The following CCBE1 variants were observed in gnomAD, a reference collection of about 807,000 sequenced individuals.
CCBE1 encodes the protein collagen and calcium-binding EGF domain-containing protein 1.
A neutral mutation model predicts 50.0 loss-of-function variants in CCBE1; 37 were observed. The observed-to-expected ratio is 0.74, with a 90% confidence interval of 0.57 to 0.97. The LOEUF (loss-of-function observed/expected upper bound fraction) is 0.97. CCBE1 is among the 50% of genes least tolerant of loss of function. The pLI is 0.00. For missense variants in CCBE1, 538 were observed against 523.8 expected (o/e 1.03, Z -0.26); for synonymous variants, 234 against 203.7 (o/e 1.15, Z -1.27).
intron 2 of CCBE1, among the ~76,000 whole-genome samples, chr18:59,683,960 G>T (rs929814790): frequency 2.6e-5 from 4 of 151,874 alleles, no homozygotes; most frequent in African/African-American, 9.7e-5. Flanking sequence ...CAGGGTAGCA[G>T]CTGGACCACC....
chr18:59,602,179 G>C (rs7239709), intron 2 of CCBE1, among the ~76,000 whole-genome samples: 60,258 of 150,730 alleles, frequency 0.4, 12,228 homozygotes, highest in East Asian at 0.61. Context: ...TAATGAAAAC[G>C]TAGGAAAAAT....
At chr18:59,508,097 C>T (rs879757859) in intron 2 of CCBE1, among the ~76,000 whole-genome samples, 8 of 151,654 alleles carry the variant, frequency 5.3e-5, no homozygotes, top group East Asian at 2.0e-4. Context: ...TTCACCGTGT[C>T]GGCCAGGATG....
chr18:59,506,238 C>T (rs1913867159), intron 2 of CCBE1, among the ~76,000 whole-genome samples: 1 of 152,126 alleles, frequency 6.6e-6, no homozygotes, highest in Non-Finnish European at 1.5e-5. Context: ...CATCTGCAAG[C>T]AAAGAAATGC....
At chr18:59,599,906 T>TA (rs924639868) in intron 2 of CCBE1, among the ~76,000 whole-genome samples, 2 of 152,060 alleles carry the variant, frequency 1.3e-5, no homozygotes, top group African/African-American at 4.8e-5. Flanking sequence ...ACTAATGGTT[T>TA]AAAAAAAGAC....
chr18:59,684,472 A>G (rs1169664946), intron 2 of CCBE1, among the ~76,000 whole-genome samples: 1 of 152,156 alleles, frequency 6.6e-6, no homozygotes, highest in Non-Finnish European at 1.5e-5. Context: ...CTCCATTACT[A>G]TAATATCCTC....
At chr18:59,663,143 T>C (rs1254650280) in intron 2 of CCBE1, among the ~76,000 whole-genome samples, 1 of 152,238 alleles carries the variant, frequency 6.6e-6, no homozygotes, top group Non-Finnish European at 1.5e-5. Context: ...AAGATACTTT[T>C]CTTACTATCA....
rs1217543493 is a variant in CCBE1 at position 59,562,898 on chromosome 18, G to A, written c.213-82660C>T. ...AGGCCGCCTTAGAGGTTTCGATCTC[G>A]TTTGTTTCAGTTCTCTTGTTTGTTT... On this transcript the variant is annotated intron_variant, in intron 2 of 10. Coordinates refer to ENST00000439986, the MANE Select transcript of CCBE1 (RefSeq NM_133459.4). 5.0e-4 allele frequency among the ~76,000 whole-genome samples: 7 copies of A among 14,050 alleles called. No homozygotes were observed. In the African/African-American group the frequency reaches 6.9e-3, roughly 14 times the overall value. The allele number at this position is 14,050 out of a possible 152,430, so 9.2% of individuals were successfully genotyped here. A position where few individuals can be genotyped will look rare whatever the true frequency, so the allele number is the denominator to read the frequency against.
chr18:59,487,806 C>T (rs748895315), intron 2 of CCBE1, among the ~76,000 whole-genome samples: 2 of 152,144 alleles, frequency 1.3e-5, no homozygotes, highest in Non-Finnish European at 2.9e-5. Flanking sequence ...AAAAATTAAA[C>T]ATAGAATTAC....
intron 3 of CCBE1, among the ~76,000 whole-genome samples, chr18:59,476,006 C>T (rs1912288745): frequency 6.6e-6 from 1 of 152,230 alleles, no homozygotes; most frequent in Admixed American, 6.5e-5. Context: ...GCGTGAGCCA[C>T]TGCGGCTGGC....
At chr18:59,695,821 C>A (rs559557516) in intron 2 of CCBE1, among the ~76,000 whole-genome samples, 1 of 152,276 alleles carries the variant, frequency 6.6e-6, no homozygotes, top group South Asian at 2.1e-4. Flanking sequence ...CCTTGTACAG[C>A]GCCTCTAAAA....
At chr18:59,638,988 T>G (rs576332976) in intron 2 of CCBE1, among the ~76,000 whole-genome samples, 1 of 152,356 alleles carries the variant, frequency 6.6e-6, no homozygotes, top group East Asian at 1.9e-4. Flanking sequence ...TGGTGCATCT[T>G]ATTTTGGCAG....
At chr18:59,473,680 C>G (rs1241510733) in intron 3 of CCBE1, among the ~76,000 whole-genome samples, 1 of 150,810 alleles carries the variant, frequency 6.6e-6, no homozygotes, top group Non-Finnish European at 1.5e-5. Flanking sequence ...CTCCACTACT[C>G]ACCATCCAAC....
chr18:59,617,894 G>T (rs2053657800), intron 2 of CCBE1, among the ~76,000 whole-genome samples: 1 of 152,148 alleles, frequency 6.6e-6, no homozygotes, highest in South Asian at 2.1e-4. Flanking sequence ...AACTAATCAA[G>T]CCAGTATGTG....
At chr18:59,662,875 G>A (rs936543502) in intron 2 of CCBE1, among the ~76,000 whole-genome samples, 1 of 152,178 alleles carries the variant, frequency 6.6e-6, no homozygotes, top group Admixed American at 6.5e-5. Flanking sequence ...CTACTTGAGA[G>A]GCAGGAGGAT....
intron 2 of CCBE1, among the ~76,000 whole-genome samples, chr18:59,692,955 AGCACACACACACACACACACACAC>A (rs1447957250): frequency 1.1e-4 from 16 of 143,084 alleles, no homozygotes; most frequent in Non-Finnish European, 1.8e-4. Flanking sequence ...GTCAAGCCAA[AGCACACACACACACACACACACAC>A]ACACACACAC....
intron 2 of CCBE1, among the ~76,000 whole-genome samples, chr18:59,666,576 C>T (rs1286880888): frequency 6.6e-6 from 1 of 151,334 alleles, no homozygotes; most frequent in Non-Finnish European, 1.5e-5. Flanking sequence ...TTGCTGCTAC[C>T]ATGAAAGTTT....
At chr18:59,550,124 G>C (rs1328872645) in intron 2 of CCBE1, among the ~76,000 whole-genome samples, 2 of 151,986 alleles carry the variant, frequency 1.3e-5, no homozygotes, top group Non-Finnish European at 2.9e-5. Flanking sequence ...CCTGGAGACT[G>C]TGTCATCATT....
intron 2 of CCBE1, among the ~76,000 whole-genome samples, chr18:59,694,784 AC>A (rs1327110992): frequency 6.6e-6 from 1 of 152,250 alleles, no homozygotes; most frequent in Admixed American, 6.5e-5. Flanking sequence ...AGAACTCTCG[AC>A]TTCCATAGAG....
At chr18:59,571,738 T>G (rs566804233) in intron 2 of CCBE1, among the ~76,000 whole-genome samples, 3 of 152,240 alleles carry the variant, frequency 2.0e-5, no homozygotes, top group Admixed American at 2.0e-4. Context: ...TATAATGAGG[T>G]TGATTTAATC....
Sources: gnomAD v4.1 joint callset for allele counts (sites outside exome capture counted in the v4.1 genomes callset) on GRCh38, gnomAD v4.1.1 for gene constraint, MANE v1.5 for transcripts, NCBI Gene and HGNC (gene_info 2026-07-23, HGNC 2026-07-21) for gene names.